Variants in ILDR1 observed in about 807,000 individuals in gnomAD.
ILDR1 encodes immunoglobulin-like domain-containing receptor 1.
Under a neutral mutation model 62.4 loss-of-function variants are expected in ILDR1, and 56 were observed. The ratio of observed to expected loss-of-function variants is 0.90; its 90% CI spans 0.72 to 1.12. ILDR1 has a LOEUF of 1.12. Among genes scored for constraint, ILDR1 ranks in the 50% most tolerant of loss-of-function variants. ILDR1 has a pLI of 0.00. For synonymous variants in ILDR1, 284 were observed against 277.8 expected, an observed-to-expected ratio of 1.02 and a Z score of -0.22; for missense variants, 736 against 710.6, an observed-to-expected ratio of 1.04 and a Z score of -0.41.
chr3:121,994,417 T>C, intron 5 of ILDR1, 104 bp from the exon 6 acceptor site: 3 of 1,323,428 alleles, frequency 2.3e-6, no homozygotes, highest in Non-Finnish European at 3.0e-6. Flanking sequence ...CCAGCTTCTC[T>C]TGTCCATTCT....
chr3:122,044,648 G>A, the ILDR1 span, among the ~76,000 whole-genome samples: 1 of 151,348 alleles, frequency 6.6e-6, no homozygotes, highest in African/African-American at 2.4e-5. Flanking sequence ...AGTCTTGGGA[G>A]AGTGTATGTG....
the ILDR1 span, among the ~76,000 whole-genome samples, chr3:122,052,690 C>T: frequency 2.3e-3 from 348 of 152,316 alleles, 1 homozygote; most frequent in Non-Finnish European, 3.8e-3. Context: ...TCTCCTGCCT[C>T]GGCCTTCCAA....
intron 1 of ILDR1, among the ~76,000 whole-genome samples, chr3:122,012,091 C>G (rs140490504): frequency 2.0e-5 from 3 of 152,198 alleles, no homozygotes; most frequent in Non-Finnish European, 4.4e-5. Flanking sequence ...GACAGTCCAT[C>G]TCAAAGGCAA....
chr3:121,992,036 G>C (rs2071356244), intron 7 of ILDR1, among the ~76,000 whole-genome samples: 1 of 152,256 alleles, frequency 6.6e-6, no homozygotes, highest in East Asian at 1.9e-4. Flanking sequence ...TGGGTAGCCT[G>C]TAAGTTGGCT....
the ILDR1 span, among the ~76,000 whole-genome samples, chr3:122,045,642 T>C: frequency 1.3e-5 from 2 of 151,680 alleles, no homozygotes; most frequent in African/African-American, 4.8e-5. Context: ...TTAGCTCCTC[T>C]TGTTGAATTG....
chr3:122,027,443 G>A, the ILDR1 span, among the ~76,000 whole-genome samples: 1 of 152,304 alleles, frequency 6.6e-6, no homozygotes, highest in East Asian at 1.9e-4. Context: ...ACCCGCCTTG[G>A]ACCCCCAAAG....
intron 2 of ILDR1, among the ~76,000 whole-genome samples, chr3:122,006,458 C>T (rs1046986397): frequency 3.3e-5 from 5 of 152,092 alleles, no homozygotes; most frequent in African/African-American, 1.2e-4. Flanking sequence ...TTGTGTAGCA[C>T]TAAGAGACTT....
At chr3:122,048,367 A>T in the ILDR1 span, among the ~76,000 whole-genome samples, 2 of 152,050 alleles carry the variant, frequency 1.3e-5, no homozygotes, top group Admixed American at 1.3e-4. Context: ...TGCATCAGGG[A>T]TATTGGCCTG....
the ILDR1 span, among the ~76,000 whole-genome samples, chr3:122,046,431 C>T: frequency 2.1e-5 from 3 of 146,264 alleles, no homozygotes; most frequent in African/African-American, 5.0e-5. Flanking sequence ...ATCTTTGTGG[C>T]GTTCTCTGTA....
At chr3:122,041,142 C>T in the ILDR1 span, among the ~76,000 whole-genome samples, 16 of 152,164 alleles carry the variant, frequency 1.1e-4, no homozygotes, top group African/African-American at 3.6e-4. Flanking sequence ...ATGCAGATGG[C>T]AAATGCTGTG....
chr3:122,029,860 A>G, the ILDR1 span, among the ~76,000 whole-genome samples: 68 of 152,310 alleles, frequency 4.5e-4, no homozygotes, highest in South Asian at 8.3e-4. Context: ...ACCTTACATA[A>G]ATCACTTTTG....
chr3:122,020,146 G>A (rs2071835012), intron 1 of ILDR1, among the ~76,000 whole-genome samples: 1 of 152,190 alleles, frequency 6.6e-6, no homozygotes, highest in South Asian at 2.1e-4. Context: ...CTTAAAGTTA[G>A]CTTTAAACAA....
At chr3:122,058,214 G>A in the ILDR1 span, among the ~76,000 whole-genome samples, 8 of 152,180 alleles carry the variant, frequency 5.3e-5, no homozygotes, top group Admixed American at 2.0e-4. Context: ...AGAACAGAAT[G>A]GAGGAAGGTT....
intron 2 of ILDR1, among the ~76,000 whole-genome samples, chr3:122,006,506 G>A (rs1362106257): frequency 6.6e-6 from 1 of 152,164 alleles, no homozygotes; most frequent in Non-Finnish European, 1.5e-5. Flanking sequence ...GCACTGGAGG[G>A]CTTAGTCAGC....
At chr3:121,989,179 T>TA (rs1023034926) in intron 7 of ILDR1, among the ~76,000 whole-genome samples, 28 of 152,180 alleles carry the variant, frequency 1.8e-4, no homozygotes, top group African/African-American at 6.0e-4. Flanking sequence ...CATGTTGCTA[T>TA]AAAAAAAAGT....
the ILDR1 span, among the ~76,000 whole-genome samples, chr3:122,057,008 A>T: frequency 1.3e-5 from 2 of 152,142 alleles, no homozygotes; most frequent in African/African-American, 4.8e-5. Flanking sequence ...TGTTCTCATA[A>T]GAGATGAAAT....
At chr3:122,048,264 T>G in the ILDR1 span, among the ~76,000 whole-genome samples, 1 of 152,262 alleles carries the variant, frequency 6.6e-6, no homozygotes, top group African/African-American at 2.4e-5. Flanking sequence ...TGAATCATCT[T>G]TGCATTCCAG....
upstream of ILDR1, chr3:122,022,318 C>T (rs1264500085): frequency 4.7e-6 from 2 of 424,418 alleles, no homozygotes. Flanking sequence ...TCCTGCTCCG[C>T]CCCCGCCTCC....
At chr3:122,016,358 G>A (rs189672959) in intron 1 of ILDR1, among the ~76,000 whole-genome samples, 28 of 152,310 alleles carry the variant, frequency 1.8e-4, no homozygotes, top group African/African-American at 6.5e-4. Context: ...TAAGCACCAC[G>A]GGGGCCAGGG....
Sources: allele counts gnomAD v4.1 joint callset (sites outside exome capture counted in the v4.1 genomes callset), GRCh38; gene constraint gnomAD v4.1.1; transcripts MANE v1.5; gene names NCBI Gene and HGNC (gene_info 2026-07-23, HGNC 2026-07-21).